GRIP1: variants seen among roughly 807,000 people sequenced by gnomAD.
The protein encoded by GRIP1 is glutamate receptor interacting protein 1.
In GRIP1, 45 loss-of-function variants were observed where a neutral mutation model predicts 129.9. The observed-to-expected ratio is 0.35, with a 90% CI of 0.27 to 0.44. The LOEUF (loss-of-function observed/expected upper bound fraction) is 0.44, where lower values mean the gene tolerates loss of function less well. GRIP1 is among the 20% of genes least tolerant of loss of function. GRIP1 has a pLI of 1.00. For missense variants in GRIP1, 1,196 were observed against 1,396.8 expected, an observed-to-expected ratio of 0.86 and a Z score of 2.29; for synonymous variants, 530 against 520.8, an observed-to-expected ratio of 1.02 and a Z score of -0.24.
chr12:66,864,522 C>G (rs1204167613), intron 1 of GRIP1, among the ~76,000 whole-genome samples: 1 of 151,426 alleles, frequency 6.6e-6, no homozygotes, highest in Non-Finnish European at 1.5e-5. Context: ...TCGAGACCAG[C>G]CTGGGCAACA....
At chr12:66,625,448 T>C (rs979333237) in intron 1 of GRIP1, among the ~76,000 whole-genome samples, 4 of 152,216 alleles carry the variant, frequency 2.6e-5, no homozygotes, top group East Asian at 3.9e-4. Context: ...TTAAGTTACA[T>C]CAATTTTTAA....
intron 15 of GRIP1, among the ~76,000 whole-genome samples, chr12:66,418,451 G>A (rs1441561333): frequency 6.6e-6 from 1 of 151,914 alleles, no homozygotes; most frequent in Non-Finnish European, 1.5e-5. Context: ...ATCACAACAA[G>A]TGAAAAATCT....
At chr12:66,547,280 G>A in intron 2 of GRIP1, among the ~76,000 whole-genome samples, 1 of 86,446 alleles carries the variant, frequency 1.2e-5, no homozygotes, top group Non-Finnish European at 2.2e-5. Context: ...AACACCAAAT[G>A]CTGGTGAGGA....
chr12:66,712,453 A>G (rs10506494), intron 1 of GRIP1, among the ~76,000 whole-genome samples: 16,334 of 151,962 alleles, frequency 0.11, 1,141 homozygotes, highest in Non-Finnish European at 0.15. Flanking sequence ...AATATCTTTC[A>G]ATTTTGAGCT....
chr12:66,897,605 C>T (rs2040771922), intron 1 of GRIP1, among the ~76,000 whole-genome samples: 1 of 152,178 alleles, frequency 6.6e-6, no homozygotes, highest in African/African-American at 2.4e-5. Flanking sequence ...ATGAGCTAAA[C>T]AGACAAGGGT....
At chr12:66,618,215 C>A (rs1486797544) in intron 1 of GRIP1, among the ~76,000 whole-genome samples, 1 of 152,088 alleles carries the variant, frequency 6.6e-6, no homozygotes, top group African/African-American at 2.4e-5. Context: ...ACCTGTTGTG[C>A]CAACATGCAA....
chr12:66,438,544 A>G (rs1318107147), intron 13 of GRIP1, among the ~76,000 whole-genome samples: 2 of 145,980 alleles, frequency 1.4e-5, no homozygotes, highest in Non-Finnish European at 3.0e-5. Context: ...TGCCCAGGCC[A>G]GAGTGCAGTG....
At chr12:66,868,425 T>C (rs2137143749) in intron 1 of GRIP1, among the ~76,000 whole-genome samples, 1 of 152,242 alleles carries the variant, frequency 6.6e-6, no homozygotes, top group African/African-American at 2.4e-5. Flanking sequence ...CTCTCAAAAC[T>C]ACAAAATGTA....
intron 15 of GRIP1, 71 bp from the exon 16 acceptor site, chr12:66,406,499 G>A: frequency 1.5e-5 from 20 of 1,368,210 alleles, no homozygotes; most frequent in Non-Finnish European, 2.0e-5. Flanking sequence ...GAGGCATTAA[G>A]CATAATGCAG....
chr12:66,573,339 C>T (rs2063029620), intron 2 of GRIP1, among the ~76,000 whole-genome samples: 1 of 152,012 alleles, frequency 6.6e-6, no homozygotes, highest in African/African-American at 2.4e-5. Flanking sequence ...TCTGTGAGAC[C>T]CTAAAAAGGA....
chr12:67,040,220 C>A (rs1054766653), intron 1 of GRIP1, among the ~76,000 whole-genome samples: 1 of 129,548 alleles, frequency 7.7e-6, no homozygotes, highest in Admixed American at 7.7e-5. Flanking sequence ...CCCACCCCCA[C>A]CCCCCCAGCA....
intron 1 of GRIP1, among the ~76,000 whole-genome samples, chr12:66,928,206 T>C (rs1421031987): frequency 6.6e-6 from 1 of 152,208 alleles, no homozygotes; most frequent in Non-Finnish European, 1.5e-5. Context: ...TAAATATTGC[T>C]TGAACTCCAA....
intron 1 of GRIP1, among the ~76,000 whole-genome samples, chr12:66,639,122 T>G (rs1341614697): frequency 6.6e-6 from 1 of 152,198 alleles, no homozygotes; most frequent in Non-Finnish European, 1.5e-5. Flanking sequence ...GTGTAAATAT[T>G]ATATATTTTG....
At chr12:66,862,086 T>C (rs560303928) in intron 1 of GRIP1, among the ~76,000 whole-genome samples, 5 of 152,180 alleles carry the variant, frequency 3.3e-5, no homozygotes, top group Admixed American at 2.0e-4. Flanking sequence ...TGATGAGTGC[T>C]AGGAAATATC....
intron 15 of GRIP1, 123 bp downstream of exon 15, chr12:66,420,597 C>T (rs937062304): frequency 5.6e-6 from 4 of 715,350 alleles, no homozygotes; most frequent in African/African-American, 1.7e-5. Context: ...TTAATAGTGG[C>T]TGCTTGGAAG....
intron 1 of GRIP1, among the ~76,000 whole-genome samples, chr12:66,776,864 T>C (rs2037997149): frequency 6.6e-6 from 1 of 152,196 alleles, no homozygotes; most frequent in African/African-American, 2.4e-5. Context: ...TTTGTACAGC[T>C]TTTTCAGAGG....
At chr12:66,663,584 G>A (rs1363151369) in intron 1 of GRIP1, among the ~76,000 whole-genome samples, 1 of 151,868 alleles carries the variant, frequency 6.6e-6, no homozygotes, top group African/African-American at 2.4e-5. Flanking sequence ...GTATGTGTGG[G>A]GTGGGTGAAG....
intron 1 of GRIP1, among the ~76,000 whole-genome samples, chr12:66,614,592 T>C (rs560870419): frequency 6.6e-5 from 10 of 152,236 alleles, no homozygotes; most frequent in Admixed American, 5.2e-4. Context: ...GAAACTTATC[T>C]ATCTACTATG....
intron 1 of GRIP1, among the ~76,000 whole-genome samples, chr12:66,914,979 C>A (rs975877037): frequency 1.3e-5 from 2 of 152,122 alleles, no homozygotes; most frequent in African/African-American, 4.8e-5. Context: ...AAAGACTAAA[C>A]CCCAGAAAGC....
Sources: gnomAD v4.1 joint callset for allele counts (sites outside exome capture counted in the v4.1 genomes callset) on GRCh38, gnomAD v4.1.1 for gene constraint, MANE v1.5 for transcripts, NCBI Gene and HGNC (gene_info 2026-07-23, HGNC 2026-07-21) for gene names.